PRB2: variants seen among roughly 807,000 people sequenced by gnomAD.
The protein encoded by PRB2 is basic salivary proline-rich protein 2.
Under a neutral mutation model 8.3 loss-of-function variants are expected in PRB2, and 12 were observed. The ratio of observed to expected loss-of-function variants is 1.45; its 90% CI spans 0.93 to 2.35. PRB2 has a LOEUF of 2.35. Ranked by LOEUF, PRB2 falls within the 30% of genes most tolerant of loss-of-function variation. The pLI is 0.00. For synonymous variants in PRB2, 146 were observed against 180.0 expected (o/e 0.81, Z 1.51); for missense variants, 470 against 507.0 (o/e 0.93, Z 0.70).
intron 3 of PRB2, among the ~76,000 whole-genome samples, chr12:11,392,233 A>C (rs1306413608): frequency 5.0e-3 from 1 of 202 alleles, no homozygotes; most frequent in African/African-American, 0.02. Context: ...AGATGCCATA[A>C]AGTTAACAGT....
intron 1 of PRB2, 57 bp from the exon 2 acceptor site, chr12:11,394,587 A>G: frequency 6.3e-7 from 1 of 1,588,242 alleles, no homozygotes; most frequent in South Asian, 1.1e-5. Flanking sequence ...TACAAGACTC[A>G]CAAGTGTTCT....
Position 11,392,984 on chromosome 12 carries a change from T to C in PRB2, c.1094A>G (p.Lys365Arg). 1 of 1,612,630 alleles carries C rather than the reference T, an allele frequency of 6.2e-7. No homozygotes were observed. The highest frequency in any genetic ancestry group is 1.1e-5 in the South Asian group (1 of 90,874). The change falls in exon 3 of 4, where the codon AAG becomes AGG. Residue 365 changes from lysine (K) to arginine (R), a missense_variant. Physicochemically the swap from Lys to Arg is conservative, Grantham distance 26. Around this residue, in one of 4 missense-constraint regions of PRB2, gnomAD observed 205 missense variants for 195.0 expected, o/e 1.05. Coordinates refer to ENST00000389362, the MANE Select transcript of PRB2 (RefSeq NM_006248.4). ...KSRSARSPPG[K>R]PQGPPQQEGN... ...TTCTTGTTGGGGTGGTCCTTGTGGC[T>C]TTCCTGGAGGAGATCGGGCACTTCG... is the stretch of plus-strand genomic sequence containing the variant.
In PRB2 at chr12:11,393,654, G is replaced by A. The variant is rs373613020; in HGVS notation, c.424C>T (p.Pro142Ser). The A allele has an allele frequency of 1.3e-6, 2 of 1,555,212 alleles. No homozygotes were observed. The highest frequency in any genetic ancestry group is 1.7e-6 in the Non-Finnish European group (2 of 1,152,008). The part of the protein sequence containing the change: ...PPPPPGKPQG[P>S]PPQGGNKPQG... ...GGTTTGTTGCCTCCTTGTGGGGGTG[G>A]TCCTTGTGGCTTTCCTGGAGGAGGT... The change falls in exon 3 of 4, where the codon CCA becomes TCA. Residue 142 changes from proline (P) to serine (S), a missense_variant. Pro to Ser is a moderately conservative substitution (Grantham distance 74). This residue lies in a region of PRB2 where 211 missense variants were observed against 207.7 expected (regional missense o/e 1.02). Transcript: ENST00000389362.
chr12:11,395,068 C>T (rs1565418933), intron 1 of PRB2, among the ~76,000 whole-genome samples: 1 of 152,144 alleles, frequency 6.6e-6, no homozygotes, highest in Non-Finnish European at 1.5e-5. Flanking sequence ...ATCTCTGATA[C>T]TGTGTGTGTC....
Position 11,393,894 on chromosome 12 carries a change from G to A in PRB2, c.184C>T (p.Pro62Ser), listed in dbSNP as rs755161117. 1.5e-5 allele frequency: 23 copies of A among 1,497,174 alleles called. No individual in the cohort carries two copies. Among genetic ancestry groups the A allele is most frequent in the Non-Finnish European group, 1.9e-5 (21 of 1,110,104 alleles). The allele number at this position is 1,497,174 out of a possible 1,614,324, so 92.7% of individuals were successfully genotyped here. The stretch of plus-strand genomic sequence containing the variant: ...CCTTGAGGCTGGTTGCCTCCTTGTG[G>A]GGGTGGTCCTTGTGGCTTTCCTGGA... ...SPPGKPQGPP[P>S]QGGNQPQGPP... Residue 62 changes from proline (P) to serine (S), a missense_variant, in exon 3 of 4, where the codon CCA (proline) becomes TCA (serine). By Grantham distance (74) the Pro-to-Ser change is moderately conservative (BLOSUM62 -1). Coordinates refer to ENST00000389362, the MANE Select transcript of PRB2 (RefSeq NM_006248.4).
intron 1 of PRB2, among the ~76,000 whole-genome samples, 191 bp downstream of exon 1, chr12:11,395,275 G>T (rs1388689267): frequency 6.6e-6 from 1 of 151,988 alleles, no homozygotes; most frequent in Non-Finnish European, 1.5e-5. Flanking sequence ...ATTCTTTATT[G>T]GATTTCATTG....
chr12:11,393,855 G>T lies in PRB2; in HGVS notation c.223C>A (p.Pro75Thr), dbSNP rs1864363287. Residue 75 changes from proline (P) to threonine (T), a missense_variant, in exon 3 of 4, where the codon CCA (proline) becomes ACA (threonine). Around this residue, in one of 4 missense-constraint regions of PRB2, gnomAD observed 211 missense variants for 207.7 expected, o/e 1.02. Transcript: ENST00000389362. ...GNQPQGPPPPPGKPQGPPPQG... is the reference protein window; with the variant it reads ...GNQPQGPPPPTGKPQGPPPQG... ...GGGGGTGGTCCTTGTGGCTTTCCTG[G>T]AGGAGGTGGGGGACCTTGAGGCTGG... The T allele has an allele frequency of 1.4e-6, 2 of 1,459,606 alleles. No homozygotes were observed. The highest frequency in any genetic ancestry group is 1.8e-6 in the Non-Finnish European group (2 of 1,088,586). The allele number at this position is 1,459,606 out of a possible 1,614,324, so 90.4% of individuals were successfully genotyped here.
chr12:11,395,299 T>G (rs1380598057), intron 1 of PRB2, among the ~76,000 whole-genome samples, 167 bp downstream of exon 1: 1 of 152,152 alleles, frequency 6.6e-6, no homozygotes, highest in East Asian at 1.9e-4. Context: ...ATTAAATAAA[T>G]TAGAAACTCT....
At chr12:11,394,960 G>A (rs572895191) in intron 1 of PRB2, among the ~76,000 whole-genome samples, 5 of 152,088 alleles carry the variant, frequency 3.3e-5, no homozygotes, top group South Asian at 2.1e-4. Flanking sequence ...GAAATACTGC[G>A]TGTAAGGGAG....
chr12:11,394,087 C>A (rs1864369230), intron 2 of PRB2, 110 bp from the exon 3 acceptor site: 10 of 1,413,338 alleles, frequency 7.1e-6, no homozygotes, highest in Non-Finnish European at 9.9e-6. Context: ...TGGGGAAACA[C>A]ACAAAAATGA....
intron 1 of PRB2, among the ~76,000 whole-genome samples, chr12:11,395,075 T>A (rs1458251812): frequency 1.3e-5 from 2 of 152,160 alleles, no homozygotes; most frequent in Non-Finnish European, 2.9e-5. Context: ...ATACTGTGTG[T>A]GTCTATCGCC....
chr12:11,395,450 C>A lies in PRB2; in HGVS notation c.64+16G>T. ...CCCAAGCAGAGTCACCACATCTTCT[C>A]CCCCTTCTGTTTTACCTTCATTTAA... On this transcript the variant is annotated intron_variant, in intron 1 of 3. Coordinates refer to ENST00000389362, the MANE Select transcript of PRB2 (RefSeq NM_006248.4). 1 of 1,613,972 alleles carries A rather than the reference C, an allele frequency of 6.2e-7. No individual in the cohort carries two copies. Among genetic ancestry groups the A allele is most frequent in the Non-Finnish European group, 8.5e-7 (1 of 1,179,878 alleles).
Position 11,393,249 on chromosome 12 carries a change from G to T in PRB2, c.829C>A (p.Pro277Thr). ...CCTTGTGGCTTTCCTGGAGGTGGGG[G>T]ACCTTGAGGTTTGTTGCCTCCTTGT... ...PPQGGNKPQG[P>T]PPPGKPQGPP... Residue 277 changes from proline (P) to threonine (T), a missense_variant, in exon 3 of 4, where the codon CCC becomes ACC. Transcript: ENST00000389362. 3.0e-6 allele frequency: 4 copies of T among 1,352,134 alleles called. No individual in the cohort carries two copies. The highest frequency in any genetic ancestry group is 1.3e-5 in the South Asian group (1 of 76,406). The allele number at this position is 1,352,134 out of a possible 1,614,324, so 83.8% of individuals were successfully genotyped here. A position where few individuals can be genotyped will look rare whatever the true frequency, so the allele number is the denominator to read the frequency against.
rs1864392890 is a variant in PRB2, at chr12:11,395,334, G to C, written c.64+132C>G. ...TTATTGTGGAATGAGGGCACAACAA[G>C]TCTCCTGATCCTAGGCATGAAAACT... On this transcript the variant is annotated intron_variant, in intron 1 of 3. Coordinates refer to ENST00000389362, the MANE Select transcript of PRB2 (RefSeq NM_006248.4). 2.8e-6 allele frequency: 3 copies of C among 1,085,708 alleles called. No individual in the cohort carries two copies. The South Asian group carries it at 3.8e-5, about 14-fold the overall frequency. 67.3% of individuals were successfully genotyped at this position (1,085,708 alleles called of 1,614,324 possible). A position where few individuals can be genotyped will look rare whatever the true frequency, so the allele number is the denominator to read the frequency against.
Position 11,394,581 on chromosome 12 carries a change from A to G in PRB2, c.65-51T>C, listed in dbSNP as rs773267933. 35 of 1,597,422 alleles carry G rather than the reference A, an allele frequency of 2.2e-5. No individual in the cohort carries two copies. The South Asian group carries it at 3.7e-4, about 17-fold the overall frequency. On this transcript the variant is annotated intron_variant, in intron 1 of 3. Coordinates refer to ENST00000389362, the MANE Select transcript of PRB2 (RefSeq NM_006248.4). ...GAACAGTTACATCTTGAACCTTACA[A>G]GACTCACAAGTGTTCTACAGGGAAA...
rs773323199 is a variant in PRB2, at chr12:11,395,500, C to G, written c.30G>C (p.Leu10Phe). Residue 10 changes from leucine to phenylalanine, a missense_variant, in exon 1 of 4, where the codon TTG becomes TTC. Transcript: ENST00000389362. MLLILLSVA[L>F]LALSSAQNLN... The stretch of plus-strand genomic sequence containing the variant: ...AGTTCTGAGCTGAGCTCAGGGCCAG[C>G]AAGGCCACTGACAGCAGAATCAACA... 3.1e-6 allele frequency: 5 copies of G among 1,613,426 alleles called. No homozygotes were observed. Among genetic ancestry groups the G allele is most frequent in the Non-Finnish European group, 4.2e-6 (5 of 1,179,764 alleles).
rs764401176 is a variant in PRB2, at chr12:11,393,434, G to A, written c.644C>T (p.Pro215Leu). 9.4e-6 allele frequency: 14 copies of A among 1,486,356 alleles called. No homozygotes were observed. The highest frequency in any genetic ancestry group is 3.6e-5 in the South Asian group (3 of 82,310). The allele number at this position is 1,486,356 out of a possible 1,614,324, so 92.1% of individuals were successfully genotyped here. Residue 215 changes from proline to leucine, a missense_variant, in exon 3 of 4, where the codon CCC (proline) becomes CTC (leucine). Physicochemically the swap from Pro to Leu is moderately conservative, Grantham distance 98. This residue lies in a region of PRB2 where 37 missense variants were observed against 66.0 expected (regional missense o/e 0.56). Coordinates refer to ENST00000389362, the MANE Select transcript of PRB2 (RefSeq NM_006248.4). The part of the protein sequence containing the change: ...PPQGGNKPQG[P>L]PPPGKPQGPP... ...TCCTTGTGGCTTTCCTGGAGGTGGG[G>A]GACCTTGAGGTTTGTTGCCTCCTTG...
Position 11,393,453 on chromosome 12 carries a change from C to T in PRB2, c.625G>A (p.Gly209Ser), listed in dbSNP as rs1864350420. 1 of 1,198,078 alleles carries T rather than the reference C, an allele frequency of 8.3e-7. No individual in the cohort carries two copies. The highest frequency in any genetic ancestry group is 1.4e-5 in the South Asian group (1 of 70,868). 74.2% of individuals were successfully genotyped at this position (1,198,078 alleles called of 1,614,324 possible). A position where few individuals can be genotyped will look rare whatever the true frequency, so the allele number is the denominator to read the frequency against. Residue 209 changes from glycine to serine, a missense_variant, in exon 3 of 4, where the codon GGC becomes AGC. This residue lies in a region of PRB2 where 37 missense variants were observed against 66.0 expected (regional missense o/e 0.56). Transcript: ENST00000389362. ...GKPQGPPPQG[G>S]NKPQGPPPPG... ...GGTGGGGGACCTTGAGGTTTGTTGC[C>T]TCCTTGTGGGGGTGGTCCTTGTGGC...
chr12:11,392,961 C>T lies in PRB2; in HGVS notation c.1117G>A (p.Glu373Lys). ...PGKPQGPPQQ[E>K]GNNPQGPPPP... is the part of the protein sequence containing the mutation. The stretch of plus-strand genomic sequence containing the variant: ...GGGGGACCTTGAGGATTGTTGCCTT[C>T]TTGTTGGGGTGGTCCTTGTGGCTTT... The change falls in exon 3 of 4, where the codon GAA becomes AAA. Residue 373 changes from glutamate to lysine, a missense_variant. Glu to Lys is a moderately conservative substitution (Grantham distance 56, BLOSUM62 1). Coordinates refer to ENST00000389362, the MANE Select transcript of PRB2 (RefSeq NM_006248.4). The T allele has an allele frequency of 6.2e-7, 1 of 1,612,116 alleles. No individual in the cohort carries two copies. The highest frequency in any genetic ancestry group is 1.7e-4 in the Middle Eastern group (1 of 6,024).
Sources: allele counts gnomAD v4.1 joint callset (sites outside exome capture counted in the v4.1 genomes callset), GRCh38; gene constraint gnomAD v4.1.1; regional missense constraint gnomAD v4.1.1; transcripts MANE v1.5; gene names NCBI Gene and HGNC (gene_info 2026-07-23, HGNC 2026-07-21).